EPHB1: variants seen among roughly 807,000 people sequenced by gnomAD.
EPHB1 encodes the protein ephrin type-B receptor 1.
A neutral mutation model predicts 94.4 loss-of-function variants in EPHB1; 30 were observed. That is an observed-to-expected ratio of 0.32 (90% CI 0.24 to 0.43). EPHB1 has a LOEUF of 0.43. Among genes scored for constraint, EPHB1 ranks in the 20% least tolerant of loss-of-function variants. The pLI, the probability that EPHB1 is intolerant of heterozygous loss-of-function variation, is 1.00. For missense variants in EPHB1, 1,055 were observed against 1,308.3 expected (o/e 0.81, Z 2.99); for synonymous variants, 522 against 489.1 (o/e 1.07, Z -0.89).
chr3:135,043,826 G>T (rs552380398), intron 3 of EPHB1, among the ~76,000 whole-genome samples: 1 of 152,300 alleles, frequency 6.6e-6, no homozygotes, highest in African/African-American at 2.4e-5. Context: ...GACAGAAGCT[G>T]ACCTGCCTAT....
intron 1 of EPHB1, chr3:134,796,191 A>G (rs2035823626): frequency 6.0e-6 from 1 of 167,080 alleles, no homozygotes; most frequent in African/African-American, 2.4e-5. Flanking sequence ...TTGGCGTGCA[A>G]GCACTGCGCG....
chr3:134,849,861 T>C lies in EPHB1; in HGVS notation c.58+54172T>C, dbSNP rs559799431. Among the ~76,000 whole-genome samples, 5 of 152,288 alleles carry C rather than the reference T, an allele frequency of 3.3e-5. No homozygotes were observed. The East Asian group carries it at 9.6e-4, about 29-fold the overall frequency. On this transcript the variant is annotated intron_variant, in intron 1 of 15. Coordinates refer to ENST00000398015, the MANE Select transcript of EPHB1 (RefSeq NM_004441.5). ...AATTGCTTTTCGCTACATATCTGCC[T>C]TTACTGGGCTGGGCTGGGGGGATAT...
intron 1 of EPHB1, among the ~76,000 whole-genome samples, chr3:134,830,710 G>C (rs1244608972): frequency 1.3e-5 from 2 of 152,130 alleles, no homozygotes; most frequent in Non-Finnish European, 2.9e-5. Flanking sequence ...CAGGCTGATG[G>C]GCATGACCGT....
At chr3:135,168,630 C>T (rs959282034) in intron 9 of EPHB1, among the ~76,000 whole-genome samples, 3 of 152,142 alleles carry the variant, frequency 2.0e-5, no homozygotes, top group Admixed American at 6.5e-5. Flanking sequence ...AGGGTGCCTC[C>T]GTATTTCCTC....
intron 1 of EPHB1, among the ~76,000 whole-genome samples, chr3:134,908,683 GAGGAGAA>G (rs1377981046): frequency 6.6e-6 from 1 of 152,170 alleles, no homozygotes; most frequent in Non-Finnish European, 1.5e-5. Context: ...CACAAAGAGG[GAGGAGAA>G]AGGAGAGAGT....
chr3:135,228,412 C>G (rs1943451834), intron 12 of EPHB1, among the ~76,000 whole-genome samples: 1 of 152,044 alleles, frequency 6.6e-6, no homozygotes, highest in Admixed American at 6.5e-5. Context: ...GTGATGTTAA[C>G]TTGTATATTT....
rs397966930 is a variant in EPHB1, at chr3:134,811,242, G to GTTTTTTTTTTTT, written c.58+15563_58+15574dup. On this transcript the variant is annotated intron_variant, in intron 1 of 15. Transcript: ENST00000398015. ...TCTCATAGTTGCCCCTACTAAGAAG[G>GTTTTTTTTTTTT]TTTTTTTTTTTTTTTTTTTTTCTGT... is the stretch of plus-strand genomic sequence containing the variant. Among the ~76,000 whole-genome samples the GTTTTTTTTTTTT allele has an allele frequency of 2.0e-3, 147 of 73,850 alleles. 23 individuals carry two copies. The highest frequency in any genetic ancestry group is 2.7e-3 in the Non-Finnish European group (98 of 36,376). 48.4% of individuals were successfully genotyped at this position (73,850 alleles called of 152,430 possible).
chr3:135,166,094 A>C lies in EPHB1; in HGVS notation c.1694+18A>C. The C allele has an allele frequency of 6.3e-7, 1 of 1,597,206 alleles. No homozygotes were observed. Among genetic ancestry groups the C allele is most frequent in the Non-Finnish European group, 8.6e-7 (1 of 1,164,994 alleles). ...TGTAGCAGGTAGGTCCTCCACTCTC[A>C]CTTGCTCTCCTTGGACCCAGGAAGC... is the stretch of plus-strand genomic sequence containing the variant. On this transcript the variant is annotated intron_variant, in intron 8 of 15. Transcript: ENST00000398015.
chr3:135,005,205 G>A (rs1935351343), intron 3 of EPHB1, among the ~76,000 whole-genome samples: 1 of 152,194 alleles, frequency 6.6e-6, no homozygotes. Context: ...CAGGTCTGTT[G>A]GAGTACCCTG....
At chr3:134,831,731 T>G (rs1235603610) in intron 1 of EPHB1, among the ~76,000 whole-genome samples, 3 of 152,210 alleles carry the variant, frequency 2.0e-5, no homozygotes, top group African/African-American at 7.2e-5. Flanking sequence ...CAGTAGCTTT[T>G]TGTCCCGTTT....
chr3:135,233,604 T>G (rs1355402983), intron 12 of EPHB1, among the ~76,000 whole-genome samples: 1 of 152,164 alleles, frequency 6.6e-6, no homozygotes, highest in Non-Finnish European at 1.5e-5. Context: ...TTCTCACAGC[T>G]CCACCAGGCA....
At chr3:134,987,657 G>C (rs1197867988) in intron 3 of EPHB1, among the ~76,000 whole-genome samples, 4 of 152,282 alleles carry the variant, frequency 2.6e-5, no homozygotes, top group South Asian at 2.1e-4. Flanking sequence ...TGTAGTCCCA[G>C]TTACTCTGGA....
At chr3:135,173,914 G>A (rs1941892299) in intron 9 of EPHB1, among the ~76,000 whole-genome samples, 1 of 152,142 alleles carries the variant, frequency 6.6e-6, no homozygotes, top group African/African-American at 2.4e-5. Context: ...AGAGGTCTTG[G>A]CATTGACTTG....
In EPHB1 at chr3:135,155,324, G is replaced by T. The variant is rs553391309; in HGVS notation, c.1422+1048G>T. Among the ~76,000 whole-genome samples, 41 of 152,254 alleles carry T rather than the reference G, an allele frequency of 2.7e-4. No homozygotes were observed. The South Asian group carries it at 8.3e-3, about 31-fold the overall frequency. On this transcript the variant is annotated intron_variant, in intron 6 of 15. Transcript: ENST00000398015. ...TAAGATCTGAGTAAACCTGAAGAAA[G>T]TAAGATCGTTGTGAAGCAGTTATCT...
chr3:134,848,103 G>T (rs904624486), intron 1 of EPHB1, among the ~76,000 whole-genome samples: 2 of 152,152 alleles, frequency 1.3e-5, no homozygotes, highest in African/African-American at 4.8e-5. Flanking sequence ...GGAGACTAAT[G>T]AGTCTCTTAT....
chr3:134,856,306 T>A (rs183681277), intron 1 of EPHB1, among the ~76,000 whole-genome samples: 1 of 152,066 alleles, frequency 6.6e-6, no homozygotes, highest in South Asian at 2.1e-4. Flanking sequence ...AGGCACCCCA[T>A]GGCCCAATGA....
At chr3:134,827,949 C>T (rs1360070925) in intron 1 of EPHB1, among the ~76,000 whole-genome samples, 1 of 152,194 alleles carries the variant, frequency 6.6e-6, no homozygotes, top group African/African-American at 2.4e-5. Flanking sequence ...CCTCTCTCCT[C>T]ACCAGCATCT....
intron 13 of EPHB1, among the ~76,000 whole-genome samples, chr3:135,245,897 C>T (rs558567855): frequency 5.4e-4 from 82 of 150,936 alleles, no homozygotes; most frequent in African/African-American, 1.9e-3. Context: ...TACATTCGGT[C>T]TAGAGCTCAC....
chr3:135,106,827 C>G (rs1483304141), intron 4 of EPHB1, among the ~76,000 whole-genome samples: 2 of 152,142 alleles, frequency 1.3e-5, no homozygotes, highest in Non-Finnish European at 2.9e-5. Context: ...CCCCTTCTTC[C>G]CATATAAGAG....
Sources: gnomAD v4.1 joint callset for allele counts (sites outside exome capture counted in the v4.1 genomes callset) on GRCh38, gnomAD v4.1.1 for gene constraint, MANE v1.5 for transcripts, NCBI Gene and HGNC (gene_info 2026-07-23, HGNC 2026-07-21) for gene names.